The following TRPC7 variants were observed in gnomAD, a reference collection of about 807,000 sequenced individuals.
TRPC7 encodes the protein transient receptor potential cation channel subfamily C member 7.
A neutral mutation model predicts 90.1 loss-of-function variants in TRPC7; 42 were observed. The ratio of observed to expected loss-of-function variants is 0.47; its 90% CI spans 0.36 to 0.60. TRPC7 has a LOEUF of 0.60. Among genes scored for constraint, TRPC7 ranks in the 20% least tolerant of loss-of-function variants. The pLI is 0.00. For synonymous variants in TRPC7, 451 were observed against 436.3 expected (o/e 1.03, Z -0.42); for missense variants, 955 against 1,112.3 (o/e 0.86, Z 2.01).
At chr5:136,336,975 G>A (rs763214614) in intron 2 of TRPC7, among the ~76,000 whole-genome samples, 1 of 152,142 alleles carries the variant, frequency 6.6e-6, no homozygotes, top group Non-Finnish European at 1.5e-5. Context: ...GTATAGCCTG[G>A]GTCTGCTGAC....
chr5:136,318,779 C>T (rs539499996), intron 2 of TRPC7, among the ~76,000 whole-genome samples: 1 of 152,286 alleles, frequency 6.6e-6, no homozygotes, highest in South Asian at 2.1e-4. Context: ...TCTAGGACCC[C>T]TACTCCAGCA....
intron 3 of TRPC7, among the ~76,000 whole-genome samples, chr5:136,289,293 A>T (rs536491970): frequency 4.9e-4 from 75 of 152,276 alleles, no homozygotes; most frequent in Middle Eastern, 3.4e-3. Flanking sequence ...CTCACTGGGG[A>T]GTGCCAGACA....
intron 10 of TRPC7, among the ~76,000 whole-genome samples, chr5:136,220,026 C>T (rs1755402954): frequency 6.6e-6 from 1 of 152,320 alleles, no homozygotes; most frequent in East Asian, 1.9e-4. Context: ...TTATCACTTT[C>T]CTAATAATAC....
At position 136,289,231 on chromosome 5, in the gene TRPC7, C is replaced by T. The variant is rs561005740; in HGVS notation, c.964-14394G>A. ...TCCAGTCTACAGCTCCCAGCATGAG[C>T]GACGCAGAAGACGGGTGACTTCTGC... On this transcript the variant is annotated intron_variant, in intron 3 of 11. Coordinates refer to ENST00000513104, the MANE Select transcript of TRPC7 (RefSeq NM_020389.3). 5.5e-4 allele frequency among the ~76,000 whole-genome samples: 84 copies of T among 152,272 alleles called. 1 individual carries two copies. Among genetic ancestry groups the T allele is most frequent in the African/African-American group, 1.8e-3 (73 of 41,562 alleles).
At chr5:136,246,778 C>T (rs79303006) in intron 7 of TRPC7, among the ~76,000 whole-genome samples, 4,692 of 151,902 alleles carry the variant, frequency 0.031, 228 homozygotes, top group African/African-American at 0.1. Context: ...ACAATAATAA[C>T]AGTAAGAATA....
chr5:136,219,870 G>T (rs1020052589), intron 10 of TRPC7, among the ~76,000 whole-genome samples: 3 of 152,216 alleles, frequency 2.0e-5, no homozygotes, highest in Non-Finnish European at 4.4e-5. Flanking sequence ...CCACCAGAAA[G>T]CCTGAAATGG....
intron 2 of TRPC7, 33 bp from the exon 3 acceptor site, chr5:136,315,812 A>C: frequency 2.1e-5 from 34 of 1,598,370 alleles, no homozygotes; most frequent in African/African-American, 2.7e-5. Flanking sequence ...GCGGTATGTC[A>C]CATGGAGGCC....
chr5:136,340,282 G>A (rs772393231), intron 2 of TRPC7, among the ~76,000 whole-genome samples: 17 of 152,092 alleles, frequency 1.1e-4, no homozygotes, highest in Non-Finnish European at 2.2e-4. Flanking sequence ...TAGAAGTAGA[G>A]AGCAGATTGG....
chr5:136,332,319 G>C lies in TRPC7; in HGVS notation c.781-16540C>G, dbSNP rs190282378. On this transcript the variant is annotated intron_variant, in intron 2 of 11. Coordinates refer to ENST00000513104, the MANE Select transcript of TRPC7 (RefSeq NM_020389.3). ...AGAGATGAGGCTAAGGGAGCAGCAG[G>C]AGCACGATGATCAGAGCCCCGACAG... 5.6e-3 allele frequency among the ~76,000 whole-genome samples: 859 copies of C among 152,198 alleles called. 4 individuals carry two copies. The highest frequency in any genetic ancestry group is 9.9e-3 in the Non-Finnish European group (673 of 68,010).
intron 1 of TRPC7, among the ~76,000 whole-genome samples, chr5:136,362,506 A>G (rs1760600443): frequency 6.6e-6 from 1 of 152,226 alleles, no homozygotes. Flanking sequence ...ATGTATAGCG[A>G]ACATGACACA....
intron 3 of TRPC7, among the ~76,000 whole-genome samples, chr5:136,291,491 C>A (rs535067328): frequency 6.6e-6 from 1 of 152,254 alleles, no homozygotes; most frequent in East Asian, 1.9e-4. Flanking sequence ...GGATTGCAAT[C>A]CTAGTCTCTG....
intron 5 of TRPC7, among the ~76,000 whole-genome samples, chr5:136,263,945 GCTCTT>G (rs1432880578): frequency 6.6e-6 from 1 of 152,142 alleles, no homozygotes; most frequent in African/African-American, 2.4e-5. Flanking sequence ...AATTCATTAT[GCTCTT>G]CTCTTGATTT....
intron 2 of TRPC7, among the ~76,000 whole-genome samples, chr5:136,347,885 T>C (rs1367905667): frequency 6.6e-6 from 1 of 152,098 alleles, no homozygotes; most frequent in Non-Finnish European, 1.5e-5. Flanking sequence ...AGAAGCAGGG[T>C]CCTGGGGAGC....
chr5:136,226,316 AC>A, intron 8 of TRPC7, 61 bp from the exon 9 acceptor site: 1 of 1,253,484 alleles, frequency 8.0e-7, no homozygotes, highest in South Asian at 1.3e-5. Context: ...ACGGAGCCCA[AC>A]CTGAGGAGCA....
intron 3 of TRPC7, among the ~76,000 whole-genome samples, chr5:136,291,839 A>G (rs1163938534): frequency 6.6e-6 from 1 of 152,216 alleles, no homozygotes; most frequent in Non-Finnish European, 1.5e-5. Flanking sequence ...CAGAATATAC[A>G]TTCTTTTCAG....
At chr5:136,352,351 GT>G (rs2149858691) in intron 2 of TRPC7, among the ~76,000 whole-genome samples, 1 of 152,208 alleles carries the variant, frequency 6.6e-6, no homozygotes, top group East Asian at 1.9e-4. Flanking sequence ...TCCTCTAATT[GT>G]TTTGAAATAA....
At chr5:136,290,239 C>T (rs192565163) in intron 3 of TRPC7, among the ~76,000 whole-genome samples, 1 of 152,204 alleles carries the variant, frequency 6.6e-6, no homozygotes, top group African/African-American at 2.4e-5. Flanking sequence ...GAGCGCCTCT[C>T]CTCATCCAAA....
intron 3 of TRPC7, among the ~76,000 whole-genome samples, chr5:136,305,739 A>G (rs1188374930): frequency 6.6e-6 from 1 of 152,166 alleles, no homozygotes; most frequent in African/African-American, 2.4e-5. Context: ...TAGTCAAATC[A>G]GCCAAGCAGT....
At chr5:136,246,508 TC>T (rs1407497534) in intron 7 of TRPC7, among the ~76,000 whole-genome samples, 1 of 152,170 alleles carries the variant, frequency 6.6e-6, no homozygotes, top group East Asian at 1.9e-4. Context: ...TTCCAGATAG[TC>T]CCCCTGGAGA....
Sources: allele counts gnomAD v4.1 joint callset (sites outside exome capture counted in the v4.1 genomes callset), GRCh38; gene constraint gnomAD v4.1.1; transcripts MANE v1.5; gene names NCBI Gene and HGNC (gene_info 2026-07-23, HGNC 2026-07-21).